Variants in VEGFC observed in about 807,000 individuals in gnomAD.
The protein encoded by VEGFC is vascular endothelial growth factor C.
VEGFC carries 12 observed loss-of-function variants against 46.1 expected under a neutral mutation model. The ratio of observed to expected loss-of-function variants is 0.26; its 90% CI spans 0.17 to 0.42. The LOEUF (loss-of-function observed/expected upper bound fraction) is 0.42, where lower values mean the gene tolerates loss of function less well. VEGFC is among the 10% of genes least tolerant of loss of function. The pLI is 1.00. For missense variants in VEGFC, 488 were observed against 529.4 expected, an observed-to-expected ratio of 0.92 and a Z score of 0.77; for synonymous variants, 232 against 195.5, an observed-to-expected ratio of 1.19 and a Z score of -1.56.
At position 176,792,576 on chromosome 4, in the gene VEGFC, C is replaced by T. The variant is rs1736121738; in HGVS notation, c.-265G>A. 2.9e-6 allele frequency: 1 copy of T among 344,610 alleles called. No homozygotes were observed. Among genetic ancestry groups the T allele is most frequent in the East Asian group, 4.6e-5 (1 of 21,696 alleles). The allele number at this position is 344,610 out of a possible 1,614,324, so 21.3% of individuals were successfully genotyped here. A position where few individuals can be genotyped will look rare whatever the true frequency, so the allele number is the denominator to read the frequency against. On this transcript the variant is annotated 5_prime_UTR_variant, in exon 1 of 7. It removes an upstream start codon present in the reference 5' UTR. Transcript: ENST00000618562. The surrounding 1 kb of genome is among the most constrained non-coding windows in gnomAD (Gnocchi z 6.3). ...GGAAACCGGACATCCGAGCTCCCCGCATTCGGAGCCCGCGAGGTGAAGCGA... is the reference window on the plus strand; with the variant it reads ...GGAAACCGGACATCCGAGCTCCCCGTATTCGGAGCCCGCGAGGTGAAGCGA...
chr4:176,773,897 G>C (rs1175023280), intron 1 of VEGFC, among the ~76,000 whole-genome samples: 1 of 151,930 alleles, frequency 6.6e-6, no homozygotes. Context: ...GTCTCACCGT[G>C]TTACCCAGGC....
intron 4 of VEGFC, among the ~76,000 whole-genome samples, chr4:176,704,492 A>T (rs113748825): frequency 3.9e-5 from 6 of 152,014 alleles, no homozygotes; most frequent in African/African-American, 1.5e-4. Flanking sequence ...CTCCCACTTT[A>T]CCATCCCCCA....
chr4:176,759,779 C>T (rs924098732), intron 1 of VEGFC, among the ~76,000 whole-genome samples: 2 of 151,968 alleles, frequency 1.3e-5, no homozygotes, highest in East Asian at 3.9e-4. Flanking sequence ...TCTCCAAATA[C>T]ATCACTAGAA....
chr4:176,692,104 C>G (rs1326893167), intron 4 of VEGFC, among the ~76,000 whole-genome samples: 1 of 152,030 alleles, frequency 6.6e-6, no homozygotes, highest in East Asian at 1.9e-4. Context: ...GCTTAAAAAA[C>G]GGCGCACCGG....
Position 176,711,628 on chromosome 4 carries a change from A to C in VEGFC, c.575T>G (p.Leu192Arg), listed in dbSNP as rs1237748824. 2.5e-6 allele frequency: 4 copies of C among 1,613,432 alleles called. No individual in the cohort carries two copies. Among genetic ancestry groups the C allele is most frequent in the East Asian group, 2.2e-5 (1 of 44,850 alleles). The part of the protein sequence containing the change: ...SKTLFEITVP[L>R]SQGPKPVTIS... ...TGTTACTGGTTTGGGGCCTTGAGAG[A>C]GAGGCACTGTAATTTCAAATAACTA... Residue 192 changes from leucine (L) to arginine (R), a missense_variant, in exon 4 of 7, where the codon CTC (leucine) becomes CGC (arginine). Physicochemically the swap from Leu to Arg is moderately radical, Grantham distance 102. Transcript: ENST00000618562.
At chr4:176,728,527 A>C (rs1734910321) in intron 2 of VEGFC, among the ~76,000 whole-genome samples, 1 of 152,162 alleles carries the variant, frequency 6.6e-6, no homozygotes, top group Non-Finnish European at 1.5e-5. Flanking sequence ...ATTTTTCACC[A>C]ACTGGGACTC....
chr4:176,730,578 T>C (rs1734946216), intron 1 of VEGFC, among the ~76,000 whole-genome samples: 1 of 152,122 alleles, frequency 6.6e-6, no homozygotes, highest in Non-Finnish European at 1.5e-5. Flanking sequence ...TCCCAGCTTT[T>C]AAATATAAAT....
At chr4:176,774,441 G>A (rs1579136461) in intron 1 of VEGFC, among the ~76,000 whole-genome samples, 1 of 152,118 alleles carries the variant, frequency 6.6e-6, no homozygotes, top group African/African-American at 2.4e-5. Context: ...TCGTCACTCA[G>A]CCACTATTAT....
chr4:176,692,126 G>A (rs1237458675), intron 4 of VEGFC, among the ~76,000 whole-genome samples: 9 of 151,996 alleles, frequency 5.9e-5, no homozygotes, highest in Non-Finnish European at 1.5e-5. Context: ...CCGGCGCGGT[G>A]GCTCACGCCT....
chr4:176,761,074 T>A (rs1332813698), intron 1 of VEGFC, among the ~76,000 whole-genome samples: 1 of 152,232 alleles, frequency 6.6e-6, no homozygotes, highest in Non-Finnish European at 1.5e-5. Context: ...TTCTTGTGAT[T>A]GATTTAATAA....
At position 176,729,451 on chromosome 4, in the gene VEGFC, C is replaced by T. The variant is rs528896610; in HGVS notation, c.361+82G>A. 107 of 1,145,648 alleles carry T rather than the reference C, an allele frequency of 9.3e-5. 1 individual carries two copies. The South Asian group carries it at 1.6e-3, about 17-fold the overall frequency. 71.0% of individuals were successfully genotyped at this position (1,145,648 alleles called of 1,614,324 possible). A position where few individuals can be genotyped will look rare whatever the true frequency, so the allele number is the denominator to read the frequency against. Reference sequence around the variant, plus strand: ...CTAAAGGTGTATTCGGTGATACAAACACTGAAATTAAAGAACCAGGCTGGC... The same window carrying T: ...CTAAAGGTGTATTCGGTGATACAAATACTGAAATTAAAGAACCAGGCTGGC... On this transcript the variant is annotated intron_variant, in intron 2 of 6. Coordinates refer to ENST00000618562, the MANE Select transcript of VEGFC (RefSeq NM_005429.5).
Position 176,687,209 on chromosome 4 carries a change from T to C in VEGFC, c.1123A>G (p.Lys375Glu). Residue 375 changes from lysine to glutamate, a missense_variant, in exon 6 of 7, where the codon AAG (lysine) becomes GAG (glutamate). Physicochemically the swap from Lys to Glu is moderately conservative, Grantham distance 56. Coordinates refer to ENST00000618562, the MANE Select transcript of VEGFC (RefSeq NM_005429.5). ...SPQKCLLKGK[K>E]FHHQTCSCYR... ...TACCTGCATGTTTGGTGGTGGAACT[T>C]CTTTCCTTTTAACAAGCATTTCTGT... The C allele has an allele frequency of 6.2e-7, 1 of 1,612,590 alleles. No homozygotes were observed. Among genetic ancestry groups the C allele is most frequent in the Non-Finnish European group, 8.5e-7 (1 of 1,179,556 alleles).
At chr4:176,720,811 C>G (rs1341418928) in intron 3 of VEGFC, among the ~76,000 whole-genome samples, 1 of 149,940 alleles carries the variant, frequency 6.7e-6, no homozygotes, top group African/African-American at 2.5e-5. Flanking sequence ...ACTGCACTCC[C>G]CCACCTGGGC....
chr4:176,763,194 T>C (rs2110914024), intron 1 of VEGFC, among the ~76,000 whole-genome samples: 1 of 152,350 alleles, frequency 6.6e-6, no homozygotes, highest in Middle Eastern at 3.4e-3. Context: ...AACAAAAAGC[T>C]GCTCTAGAGA....
At chr4:176,770,495 G>A (rs1735703507) in intron 1 of VEGFC, among the ~76,000 whole-genome samples, 2 of 148,922 alleles carry the variant, frequency 1.3e-5, no homozygotes, top group South Asian at 4.1e-4. Context: ...TACATATGAA[G>A]TCTCTTTTAA....
chr4:176,710,433 T>A (rs1368002947), intron 4 of VEGFC, among the ~76,000 whole-genome samples: 1 of 152,122 alleles, frequency 6.6e-6, no homozygotes, highest in Admixed American at 6.6e-5. Flanking sequence ...AGGGGACAGA[T>A]CTCTGTCACT....
chr4:176,758,945 C>G (rs1735480756), intron 1 of VEGFC, among the ~76,000 whole-genome samples: 1 of 152,110 alleles, frequency 6.6e-6, no homozygotes, highest in Admixed American at 6.6e-5. Flanking sequence ...AAGCTCATCC[C>G]ACTGCCATCC....
chr4:176,729,065 T>C (rs1344303345), intron 2 of VEGFC, among the ~76,000 whole-genome samples: 1 of 152,192 alleles, frequency 6.6e-6, no homozygotes, highest in East Asian at 1.9e-4. Context: ...AGCTTTATGC[T>C]AGATACCTCA....
At chr4:176,689,940 T>C (rs1194431796) in intron 4 of VEGFC, among the ~76,000 whole-genome samples, 1 of 152,208 alleles carries the variant, frequency 6.6e-6, no homozygotes, top group African/African-American at 2.4e-5. Context: ...TTGTAGGAAA[T>C]AGCTATGTTT....
Sources: allele counts gnomAD v4.1 joint callset (sites outside exome capture counted in the v4.1 genomes callset), GRCh38; gene constraint gnomAD v4.1.1; non-coding constraint Gnocchi (gnomAD v3.1); transcripts MANE v1.5; gene names NCBI Gene and HGNC (gene_info 2026-07-23, HGNC 2026-07-21).